PALM2AKAP2: variants seen among roughly 807,000 people sequenced by gnomAD.
The protein encoded by PALM2AKAP2 is PALM2-AKAP2 fusion protein.
PALM2AKAP2 carries 37 observed loss-of-function variants against 71.5 expected under a neutral mutation model. The observed-to-expected ratio is 0.52, with a 90% CI of 0.40 to 0.68. The LOEUF is 0.68. PALM2AKAP2 is among the 30% of genes least tolerant of loss of function. The pLI, the probability that PALM2AKAP2 is intolerant of heterozygous loss-of-function variation, is 0.00. For synonymous variants in PALM2AKAP2, 468 were observed against 478.8 expected (o/e 0.98, Z 0.29); for missense variants, 1,224 against 1,191.8 (o/e 1.03, Z -0.40).
At chr9:110,097,242 C>T (rs1277718866) in intron 1 of PALM2AKAP2, among the ~76,000 whole-genome samples, 1 of 150,214 alleles carries the variant, frequency 6.7e-6, no homozygotes, top group Non-Finnish European at 1.5e-5. Flanking sequence ...GGACACAGCA[C>T]ATGTTTCAGA....
At chr9:109,962,106 CTG>C (rs1353096038) in intron 6 of PALM2AKAP2, among the ~76,000 whole-genome samples, 1 of 152,244 alleles carries the variant, frequency 6.6e-6, no homozygotes, top group Non-Finnish European at 1.5e-5. Flanking sequence ...ATACCCGAGA[CTG>C]TGCAGGTGCT....
intron 1 of PALM2AKAP2, among the ~76,000 whole-genome samples, chr9:109,746,331 C>G (rs1033553720): frequency 6.6e-6 from 1 of 152,146 alleles, no homozygotes; most frequent in Non-Finnish European, 1.5e-5. Flanking sequence ...GAAAAGCTAG[C>G]CAGATAACTC....
intron 1 of PALM2AKAP2, among the ~76,000 whole-genome samples, chr9:110,133,300 A>G (rs1835775186): frequency 2.0e-5 from 3 of 152,224 alleles, no homozygotes; most frequent in South Asian, 4.1e-4. Context: ...GTGATTAGCA[A>G]CAAGAGACAA....
intron 6 of PALM2AKAP2, among the ~76,000 whole-genome samples, chr9:109,960,174 C>T (rs993341764): frequency 3.3e-5 from 5 of 152,090 alleles, no homozygotes; most frequent in African/African-American, 4.8e-5. Flanking sequence ...CTGTTCTGTG[C>T]ACACTTGGAA....
chr9:110,103,214 A>G (rs998784271), intron 1 of PALM2AKAP2, among the ~76,000 whole-genome samples: 2 of 152,172 alleles, frequency 1.3e-5, no homozygotes, highest in African/African-American at 4.8e-5. Context: ...GTTTTTTCAC[A>G]ACAATAAATT....
chr9:110,029,452 G>C (rs1833240772), intron 7 of PALM2AKAP2, among the ~76,000 whole-genome samples: 1 of 152,164 alleles, frequency 6.6e-6, no homozygotes, highest in African/African-American at 2.4e-5. Context: ...GATATTCCCA[G>C]CAAAAGTTCT....
upstream of PALM2AKAP2, among the ~76,000 whole-genome samples, chr9:110,043,811 C>T (rs1187186422): frequency 6.8e-6 from 1 of 147,956 alleles, no homozygotes; most frequent in Non-Finnish European, 1.5e-5. Flanking sequence ...GCCTTGACCT[C>T]CTGGGTCCAA....
At chr9:110,087,835 AGAG>A (rs1834608898) in intron 1 of PALM2AKAP2, among the ~76,000 whole-genome samples, 1 of 152,198 alleles carries the variant, frequency 6.6e-6, no homozygotes, top group Admixed American at 6.5e-5. Flanking sequence ...CTGAGATCGT[AGAG>A]GAGGGAAGCA....
chr9:110,161,745 A>G (rs1370203416), intron 3 of PALM2AKAP2, among the ~76,000 whole-genome samples: 5 of 152,160 alleles, frequency 3.3e-5, no homozygotes, highest in Non-Finnish European at 7.3e-5. Context: ...ACTCTAGCAA[A>G]TCCAAAATGG....
chr9:109,723,724 C>T (rs993847793), intron 1 of PALM2AKAP2, among the ~76,000 whole-genome samples: 3 of 152,190 alleles, frequency 2.0e-5, no homozygotes, highest in African/African-American at 7.2e-5. Flanking sequence ...AAGTACACAG[C>T]ACCTGCAAAA....
intron 3 of PALM2AKAP2, among the ~76,000 whole-genome samples, chr9:109,894,110 G>A (rs140682229): frequency 0.012 from 1,804 of 152,170 alleles, 30 homozygotes; most frequent in African/African-American, 0.042. Context: ...GCCGAGGCAG[G>A]TGGATCACCT....
intron 1 of PALM2AKAP2, among the ~76,000 whole-genome samples, chr9:109,721,860 C>T (rs562461923): frequency 3.9e-5 from 6 of 152,170 alleles, no homozygotes; most frequent in Non-Finnish European, 7.3e-5. Flanking sequence ...CCTTAGACTC[C>T]TTCCTCTTCC....
chr9:109,822,955 T>C (rs868150772), intron 1 of PALM2AKAP2, among the ~76,000 whole-genome samples: 10 of 152,162 alleles, frequency 6.6e-5, no homozygotes, highest in South Asian at 4.1e-4. Context: ...CTGCTTGCCA[T>C]AGTCCGCCTC....
At chr9:110,069,980 G>T (rs1304419291) in intron 1 of PALM2AKAP2, among the ~76,000 whole-genome samples, 4 of 152,198 alleles carry the variant, frequency 2.6e-5, no homozygotes, top group Non-Finnish European at 5.9e-5. Flanking sequence ...CTGACTCATG[G>T]AGGGAGGCTG....
chr9:110,140,595 C>T (rs969012564), intron 2 of PALM2AKAP2, among the ~76,000 whole-genome samples: 8 of 151,858 alleles, frequency 5.3e-5, no homozygotes, highest in Non-Finnish European at 1.2e-4. Flanking sequence ...TTCATTCATA[C>T]TTTCTCCCTT....
chr9:110,048,549 G>C (rs1833641209), upstream of PALM2AKAP2: 1 of 731,358 alleles, frequency 1.4e-6, no homozygotes, highest in Non-Finnish European at 2.1e-6. Context: ...AGAAGGTGTG[G>C]GTAGATGGGG....
intron 1 of PALM2AKAP2, among the ~76,000 whole-genome samples, chr9:109,685,643 T>C (rs532514089): frequency 6.6e-6 from 1 of 152,156 alleles, no homozygotes; most frequent in Non-Finnish European, 1.5e-5. Context: ...CTAAAAAATG[T>C]GGACAATTAC....
At position 109,931,834 on chromosome 9, in the gene PALM2AKAP2, A is replaced by T. The variant is rs937398475; in HGVS notation, c.395-93A>T. Reference sequence around the variant, plus strand: ...TGTTCAGTGGCCGCCTCAGCGGTCCATTATGTAGGGCAGACAAGCTGCTGT... The same window carrying T: ...TGTTCAGTGGCCGCCTCAGCGGTCCTTTATGTAGGGCAGACAAGCTGCTGT... On this transcript the variant is annotated intron_variant, in intron 5 of 9. Transcript: ENST00000302798. 28 of 1,418,314 alleles carry T rather than the reference A, an allele frequency of 2.0e-5. No individual in the cohort carries two copies. In the Admixed American group the frequency reaches 2.9e-4, roughly 15 times the overall value. The allele number at this position is 1,418,314 out of a possible 1,614,324, so 87.9% of individuals were successfully genotyped here. A position where few individuals can be genotyped will look rare whatever the true frequency, so the allele number is the denominator to read the frequency against.
At chr9:110,028,276 A>G (rs1462338756) in intron 7 of PALM2AKAP2, among the ~76,000 whole-genome samples, 1 of 152,256 alleles carries the variant, frequency 6.6e-6, no homozygotes, top group Admixed American at 6.5e-5. Flanking sequence ...GAAAGAAATG[A>G]AGTCACAACC....
Sources: allele counts gnomAD v4.1 joint callset (sites outside exome capture counted in the v4.1 genomes callset), GRCh38; gene constraint gnomAD v4.1.1; transcripts MANE v1.5; gene names NCBI Gene and HGNC (gene_info 2026-07-23, HGNC 2026-07-21).